THSD7B: variants seen among roughly 807,000 people sequenced by gnomAD.
The protein encoded by THSD7B is thrombospondin type-1 domain-containing protein 7B.
Under a neutral mutation model 213.6 loss-of-function variants are expected in THSD7B, and 138 were observed. That is an observed-to-expected ratio of 0.65 (90% CI 0.56 to 0.74). THSD7B has a LOEUF of 0.74. Ranked by LOEUF, THSD7B falls within the 30% of genes least tolerant of loss-of-function variation. The pLI, the probability that THSD7B is intolerant of heterozygous loss-of-function variation, is 0.00. For missense variants in THSD7B, 1,931 were observed against 1,991.5 expected (o/e 0.97, Z 0.58); for synonymous variants, 742 against 687.0 (o/e 1.08, Z -1.25).
chr2:137,461,757 C>T (rs1687890428), intron 15 of THSD7B, among the ~76,000 whole-genome samples: 1 of 152,100 alleles, frequency 6.6e-6, no homozygotes. Context: ...TAACACTTTT[C>T]TGAGCCAGAG....
intron 14 of THSD7B, among the ~76,000 whole-genome samples, chr2:137,446,987 A>T (rs1274856046): frequency 6.6e-6 from 1 of 152,126 alleles, no homozygotes; most frequent in Non-Finnish European, 1.5e-5. Context: ...GGTAAAACTT[A>T]TCCATTCGAA....
chr2:136,921,546 A>G (rs1684438583), intron 2 of THSD7B, among the ~76,000 whole-genome samples: 1 of 152,192 alleles, frequency 6.6e-6, no homozygotes. Flanking sequence ...TTGATTACAA[A>G]GAAGGTAGAA....
Position 137,661,220 on chromosome 2 carries a change from A to G in THSD7B, c.4458+1474A>G, listed in dbSNP as rs181666077. Among the ~76,000 whole-genome samples the G allele has an allele frequency of 2.9e-3, 445 of 152,220 alleles. 2 individuals carry two copies. Among genetic ancestry groups the G allele is most frequent in the Non-Finnish European group, 3.5e-3 (240 of 68,016 alleles). On this transcript the variant is annotated intron_variant, in intron 25 of 27. Transcript: ENST00000409968. Reference sequence around the variant, plus strand: ...AAGTTCACTTCCAGAGACAGATAGGAATCTTCATCCATCATGTCTCATAAT... The same window carrying G: ...AAGTTCACTTCCAGAGACAGATAGGGATCTTCATCCATCATGTCTCATAAT...
At chr2:137,513,578 C>CA (rs1156959781) in intron 15 of THSD7B, among the ~76,000 whole-genome samples, 12 of 152,080 alleles carry the variant, frequency 7.9e-5, no homozygotes, top group Non-Finnish European at 1.5e-5. Context: ...ATAAATATAA[C>CA]AAAAATCTTC....
intron 15 of THSD7B, among the ~76,000 whole-genome samples, chr2:137,454,822 T>C (rs992691273): frequency 1.3e-5 from 2 of 152,150 alleles, no homozygotes; most frequent in Admixed American, 1.3e-4. Context: ...TCCTGTCCAA[T>C]TTGTTTCAGT....
At chr2:137,562,576 G>T (rs951069914) in intron 15 of THSD7B, among the ~76,000 whole-genome samples, 2 of 148,168 alleles carry the variant, frequency 1.3e-5, no homozygotes, top group Non-Finnish European at 3.0e-5. Context: ...GCCAGTAACA[G>T]TTTAGCAGTA....
At chr2:137,351,163 C>A (rs967211669) in intron 12 of THSD7B, among the ~76,000 whole-genome samples, 1 of 151,844 alleles carries the variant, frequency 6.6e-6, no homozygotes, top group Non-Finnish European at 1.5e-5. Context: ...GGCTTAAGAT[C>A]ATTCCCTGAA....
intron 6 of THSD7B, among the ~76,000 whole-genome samples, chr2:137,167,778 G>A (rs1010873823): frequency 1.3e-5 from 2 of 152,190 alleles, no homozygotes; most frequent in African/African-American, 4.8e-5. Context: ...GTCAGGAAAT[G>A]TTGATTATGG....
chr2:137,291,649 T>A (rs1004606050), intron 12 of THSD7B, among the ~76,000 whole-genome samples: 3 of 152,192 alleles, frequency 2.0e-5, no homozygotes, highest in African/African-American at 7.2e-5. Flanking sequence ...AGGGGAACTG[T>A]GCTTATGAGA....
intron 12 of THSD7B, among the ~76,000 whole-genome samples, chr2:137,362,283 C>A (rs1685283402): frequency 6.6e-6 from 1 of 152,152 alleles, no homozygotes; most frequent in South Asian, 2.1e-4. Context: ...AAAAACATGC[C>A]AAATTGTAAA....
chr2:137,153,065 A>G (rs903729007), intron 5 of THSD7B, among the ~76,000 whole-genome samples: 1 of 152,180 alleles, frequency 6.6e-6, no homozygotes, highest in Non-Finnish European at 1.5e-5. Flanking sequence ...ATCAGAAAAT[A>G]AGTTTCAAAA....
At chr2:137,224,345 A>T (rs565699135) in intron 7 of THSD7B, among the ~76,000 whole-genome samples, 3 of 152,322 alleles carry the variant, frequency 2.0e-5, no homozygotes, top group East Asian at 3.9e-4. Context: ...GTAGAGCATC[A>T]TGATTAAGAA....
intron 15 of THSD7B, among the ~76,000 whole-genome samples, chr2:137,498,830 T>G (rs1573664630): frequency 6.6e-6 from 1 of 152,118 alleles, no homozygotes; most frequent in Non-Finnish European, 1.5e-5. Flanking sequence ...GAGGCCTAAG[T>G]GAGAGTGAGC....
chr2:137,206,759 T>A (rs1407038220), intron 7 of THSD7B, among the ~76,000 whole-genome samples: 1 of 152,034 alleles, frequency 6.6e-6, no homozygotes, highest in African/African-American at 2.4e-5. Context: ...TTTAACTGTA[T>A]TAGAGAGTCA....
chr2:136,852,465 G>A (rs13015892), intron 1 of THSD7B, among the ~76,000 whole-genome samples: 26,272 of 151,988 alleles, frequency 0.17, 2,737 homozygotes, highest in East Asian at 0.39. Context: ...GAGGAACACC[G>A]CCTTGCTAAC....
At chr2:136,983,371 G>GACA (rs1398395384) in intron 2 of THSD7B, among the ~76,000 whole-genome samples, 1 of 141,112 alleles carries the variant, frequency 7.1e-6, no homozygotes, top group Non-Finnish European at 1.5e-5. Flanking sequence ...ACACACACAC[G>GACA]CACACACACT....
intron 3 of THSD7B, among the ~76,000 whole-genome samples, chr2:137,078,860 A>G (rs1316595539): frequency 6.6e-6 from 1 of 152,052 alleles, no homozygotes; most frequent in Non-Finnish European, 1.5e-5. Flanking sequence ...CCTTTTACTC[A>G]AGGTTTGTTA....
chr2:137,507,123 A>T (rs577884525), intron 15 of THSD7B, among the ~76,000 whole-genome samples: 7 of 152,330 alleles, frequency 4.6e-5, no homozygotes, highest in African/African-American at 1.7e-4. Flanking sequence ...ATTCTCATTC[A>T]TACAAAATCT....
intron 15 of THSD7B, among the ~76,000 whole-genome samples, chr2:137,508,244 C>T (rs1245901178): frequency 1.3e-5 from 2 of 151,914 alleles, no homozygotes; most frequent in African/African-American, 4.8e-5. Context: ...TCTGGTTTTG[C>T]TTTTTGTTGC....
Sources: gnomAD v4.1 joint callset for allele counts (sites outside exome capture counted in the v4.1 genomes callset) on GRCh38, gnomAD v4.1.1 for gene constraint, MANE v1.5 for transcripts, NCBI Gene and HGNC (gene_info 2026-07-23, HGNC 2026-07-21) for gene names.